The following MCTP1 variants were observed in gnomAD, a reference collection of about 807,000 sequenced individuals.
MCTP1 encodes multiple C2 and transmembrane domain containing 1, also known as multiple C2 and transmembrane domain-containing protein 1.
MCTP1 carries 69 observed loss-of-function variants against 120.6 expected under a neutral mutation model. The ratio of observed to expected loss-of-function variants is 0.57; its 90% CI spans 0.47 to 0.70. The LOEUF (loss-of-function observed/expected upper bound fraction) is 0.70. Ranked by LOEUF, MCTP1 falls within the 30% of genes least tolerant of loss-of-function variation. MCTP1 has a pLI of 0.00. For missense variants in MCTP1, 1,203 were observed against 1,248.8 expected, an observed-to-expected ratio of 0.96 and a Z score of 0.55; for synonymous variants, 529 against 493.1, an observed-to-expected ratio of 1.07 and a Z score of -0.96.
At chr5:94,971,208 C>A (rs574487620) in intron 2 of MCTP1, among the ~76,000 whole-genome samples, 1 of 152,090 alleles carries the variant, frequency 6.6e-6, no homozygotes, top group South Asian at 2.1e-4. Context: ...TCTTGCATGT[C>A]TTTGACAGAG....
chr5:95,162,144 A>T (rs755708594), intron 1 of MCTP1, among the ~76,000 whole-genome samples: 33 of 152,320 alleles, frequency 2.2e-4, no homozygotes, highest in Non-Finnish European at 3.5e-4. Context: ...TAAGTAGGCT[A>T]AGAATAGCAT....
chr5:94,711,185 C>T (rs1473733129), intron 20 of MCTP1, among the ~76,000 whole-genome samples: 1 of 152,106 alleles, frequency 6.6e-6, no homozygotes. Context: ...CATTGTGCTA[C>T]TTGGGTGACT....
chr5:94,873,035 G>C (rs963254559), intron 13 of MCTP1, 104 bp downstream of exon 13: 30 of 716,248 alleles, frequency 4.2e-5, no homozygotes, highest in Middle Eastern at 2.6e-4. Context: ...GCATTGAGTT[G>C]TGAATCAGTT....
chr5:95,179,732 G>A (rs1582456973), intron 1 of MCTP1, among the ~76,000 whole-genome samples: 1 of 152,118 alleles, frequency 6.6e-6, no homozygotes, highest in Non-Finnish European at 1.5e-5. Flanking sequence ...CCTCCTTAAA[G>A]CATAAATCTC....
intron 1 of MCTP1, among the ~76,000 whole-genome samples, chr5:95,214,586 T>C (rs968822220): frequency 1.3e-5 from 2 of 152,110 alleles, no homozygotes; most frequent in African/African-American, 4.8e-5. Context: ...TGCGGCACTA[T>C]TCACAATAGC....
chr5:94,812,679 C>T (rs1783687675), intron 17 of MCTP1, among the ~76,000 whole-genome samples: 1 of 151,686 alleles, frequency 6.6e-6, no homozygotes, highest in Non-Finnish European at 1.5e-5. Flanking sequence ...TAGGTGATCG[C>T]TTAGCCCAGG....
At chr5:95,156,183 C>T (rs1582389058) in intron 1 of MCTP1, among the ~76,000 whole-genome samples, 1 of 152,208 alleles carries the variant, frequency 6.6e-6, no homozygotes, top group African/African-American at 2.4e-5. Context: ...GGTGAGATTC[C>T]AAACAAAAGA....
chr5:95,163,170 G>C (rs1582405548), intron 1 of MCTP1, among the ~76,000 whole-genome samples: 1 of 152,192 alleles, frequency 6.6e-6, no homozygotes, highest in Non-Finnish European at 1.5e-5. Flanking sequence ...TAAAGATTTA[G>C]TATAGTGAAG....
chr5:95,284,544 G>T lies in MCTP1; in HGVS notation c.32C>A (p.Pro11Gln). Residue 11 changes from proline to glutamine, a missense_variant, in exon 1 of 23, where the codon CCA (proline) becomes CAA (glutamine). This residue lies in a region of MCTP1 where 463 missense variants were observed against 377.8 expected (regional missense o/e 1.23). Transcript: ENST00000515393. This position sits in a 1 kb window ranked among gnomAD's most constrained non-coding sequence, Gnocchi z 5.2. MEPRAAAAGEPEPPAASSSFQ... is the reference protein window; with the variant it reads MEPRAAAAGEQEPPAASSSFQ... ...GGAGGAGGACGCCGCCGGCGGCTCT[G>T]GCTCGCCCGCCGCGGCAGCCCGGGG... 6.8e-7 allele frequency: 1 copy of T among 1,461,776 alleles called. No individual in the cohort carries two copies. The highest frequency in any genetic ancestry group is 2.5e-5 in the Admixed American group (1 of 39,716). 90.6% of individuals were successfully genotyped at this position (1,461,776 alleles called of 1,614,324 possible).
At chr5:95,020,633 C>G (rs1489279001) in intron 1 of MCTP1, among the ~76,000 whole-genome samples, 1 of 151,912 alleles carries the variant, frequency 6.6e-6, no homozygotes, top group African/African-American at 2.4e-5. Context: ...CCTCTAATGA[C>G]TTCTGTATTT....
chr5:94,989,264 G>A (rs72777358), intron 2 of MCTP1, among the ~76,000 whole-genome samples: 6,705 of 152,046 alleles, frequency 0.044, 278 homozygotes, highest in East Asian at 0.087. Context: ...TTGTAATAGC[G>A]GGACAATCTG....
intron 12 of MCTP1, among the ~76,000 whole-genome samples, chr5:94,879,962 T>C (rs1265348217): frequency 2.0e-5 from 3 of 152,048 alleles, no homozygotes; most frequent in Non-Finnish European, 4.4e-5. Flanking sequence ...GTCTTGGAAT[T>C]GAACCATATT....
chr5:95,062,002 G>A (rs2152113578), intron 1 of MCTP1, among the ~76,000 whole-genome samples: 1 of 152,324 alleles, frequency 6.6e-6, no homozygotes, highest in Non-Finnish European at 1.5e-5. Flanking sequence ...TGTTTTCTGA[G>A]GAAGAACTTG....
intron 1 of MCTP1, among the ~76,000 whole-genome samples, chr5:95,088,245 G>A (rs1378798589): frequency 6.6e-6 from 1 of 152,204 alleles, no homozygotes; most frequent in African/African-American, 2.4e-5. Flanking sequence ...GGCCCGTTGG[G>A]ATCTTAAGTA....
intron 1 of MCTP1, among the ~76,000 whole-genome samples, chr5:95,094,173 T>C (rs1431065417): frequency 6.6e-6 from 1 of 152,246 alleles, no homozygotes; most frequent in Non-Finnish European, 1.5e-5. Flanking sequence ...TAATACGTTA[T>C]GCAGCAATAG....
rs767495913 is a variant in MCTP1 at position 94,940,215 on chromosome 5, GATTTTGAACAGTCATT to G, written c.1062-36_1062-21del. The G allele has an allele frequency of 6.9e-7, 1 of 1,439,448 alleles. No homozygotes were observed. The highest frequency in any genetic ancestry group is 9.6e-7 in the Non-Finnish European group (1 of 1,038,362). 89.2% of individuals were successfully genotyped at this position (1,439,448 alleles called of 1,614,324 possible). On this transcript the variant is annotated intron_variant, in intron 4 of 22. Transcript: ENST00000515393. ...GTGGGCCTGTGATAGAAAATATTTA[GATTTTGAACAGTCATT>G]AAATGAATAAGCCAAATATATTTTT...
At chr5:95,273,893 T>C (rs1759603369) in intron 1 of MCTP1, among the ~76,000 whole-genome samples, 1 of 152,180 alleles carries the variant, frequency 6.6e-6, no homozygotes, top group Non-Finnish European at 1.5e-5. Context: ...CCCCCTTCCC[T>C]GGACATTCAG....
At position 94,710,824 on chromosome 5, in the gene MCTP1, C is replaced by T; in HGVS notation, c.2824G>A (p.Val942Ile). ...TGGGGGAGGCTTTACTTACCCCAGA[C>T]AAGGACAATGTATCTCAGCGGAATG... Reference protein sequence around the residue: ...YCIPLRYIVLVWGINKFTKKL... With the variant: ...YCIPLRYIVLIWGINKFTKKL... The change falls in exon 21 of 23, where the codon GTC becomes ATC. Residue 942 changes from valine (V) to isoleucine (I), a missense_variant. By Grantham distance (29) the Val-to-Ile change is conservative. This residue lies in a region of MCTP1 where 740 missense variants were observed against 871.1 expected (regional missense o/e 0.85). Coordinates refer to ENST00000515393, the MANE Select transcript of MCTP1 (RefSeq NM_024717.7). The T allele has an allele frequency of 6.2e-7, 1 of 1,610,242 alleles. No homozygotes were observed. The highest frequency in any genetic ancestry group is 8.5e-7 in the Non-Finnish European group (1 of 1,177,310).
intron 17 of MCTP1, among the ~76,000 whole-genome samples, chr5:94,835,339 C>A (rs1789494521): frequency 6.6e-6 from 1 of 152,136 alleles, no homozygotes; most frequent in Non-Finnish European, 1.5e-5. Flanking sequence ...CAAAAGCCTG[C>A]AAAGTAGATA....
Sources: gnomAD v4.1 joint callset for allele counts (sites outside exome capture counted in the v4.1 genomes callset) on GRCh38, gnomAD v4.1.1 for gene constraint, gnomAD v4.1.1 regional missense constraint, Gnocchi (gnomAD v3.1) non-coding constraint, MANE v1.5 for transcripts, NCBI Gene and HGNC (gene_info 2026-07-23, HGNC 2026-07-21) for gene names.